The following STK31 variants were observed in gnomAD, a reference collection of about 807,000 sequenced individuals.
STK31 encodes the protein serine/threonine kinase 31, also known as serine/threonine-protein kinase 31.
Under a neutral mutation model 129.7 loss-of-function variants are expected in STK31, and 89 were observed. The observed-to-expected ratio is 0.69, with a 90% CI of 0.58 to 0.82. The LOEUF is 0.82. STK31 is among the 40% of genes least tolerant of loss of function. The pLI, the probability that STK31 is intolerant of heterozygous loss-of-function variation, is 0.00. For missense variants in STK31, 1,187 were observed against 1,176.4 expected, an observed-to-expected ratio of 1.01 and a Z score of -0.13; for synonymous variants, 448 against 395.3, an observed-to-expected ratio of 1.13 and a Z score of -1.58.
intron 5 of STK31, among the ~76,000 whole-genome samples, 174 bp from the exon 6 acceptor site, chr7:23,728,917 A>AT (rs943034922): frequency 6.6e-4 from 99 of 150,454 alleles, no homozygotes; most frequent in African/African-American, 1.8e-3. Context: ...TGGACTGTGG[A>AT]TTTTTTTTTT....
chr7:23,819,206 A>G (rs1562630793), intron 23 of STK31, among the ~76,000 whole-genome samples: 1 of 152,134 alleles, frequency 6.6e-6, no homozygotes, highest in Non-Finnish European at 1.5e-5. Context: ...GTTTGCACCT[A>G]GGGAAGGTAA....
At position 23,832,354 on chromosome 7, in the gene STK31, C is replaced by T; in HGVS notation, c.3048C>T (p.Asn1016=). The part of the protein sequence containing the change: ...CMEKTRNGEA[N]FDC ...AGAAGACAAGAAATGGTGAAGCCAACTTTGATTGTTAAATTATTATTGTTG... is the reference window on the plus strand; with the variant it reads ...AGAAGACAAGAAATGGTGAAGCCAATTTTGATTGTTAAATTATTATTGTTG... Residue 1016 remains asparagine (N), a synonymous_variant, in exon 24 of 24, where the codon AAC becomes AAT. Transcript: ENST00000355870. The T allele has an allele frequency of 6.2e-7, 1 of 1,607,540 alleles. No homozygotes were observed.
chr7:23,779,558 C>T (rs567090970), intron 15 of STK31, among the ~76,000 whole-genome samples: 15 of 152,260 alleles, frequency 9.9e-5, no homozygotes, highest in South Asian at 4.1e-4. Context: ...TCTAGAGAGG[C>T]GGTCTGGCTA....
intron 16 of STK31, 66 bp from the exon 17 acceptor site, chr7:23,783,517 A>T (rs1791064896): frequency 8.5e-7 from 1 of 1,180,082 alleles, no homozygotes; most frequent in Non-Finnish European, 1.2e-6. Flanking sequence ...ATTTTCCTGA[A>T]GAGCAACATG....
At chr7:23,714,727 GTTTAC>G (rs1487891412) in intron 3 of STK31, among the ~76,000 whole-genome samples, 2 of 151,938 alleles carry the variant, frequency 1.3e-5, no homozygotes, top group African/African-American at 2.4e-5. Flanking sequence ...TTTGATTTCA[GTTTAC>G]TTTATTTGTG....
At chr7:23,776,190 G>T (rs200030422) in intron 15 of STK31, among the ~76,000 whole-genome samples, 1 of 145,272 alleles carries the variant, frequency 6.9e-6, no homozygotes, top group Non-Finnish European at 1.5e-5. Context: ...ACTTGATTTT[G>T]GTGGATAAGC....
intron 4 of STK31, chr7:23,722,577 A>G (rs1395747732): frequency 2.0e-5 from 3 of 152,304 alleles, no homozygotes; most frequent in Admixed American, 6.5e-5. Flanking sequence ...TCAGATCTCA[A>G]AGTCTATGCT....
intron 22 of STK31, among the ~76,000 whole-genome samples, chr7:23,806,503 G>C (rs1357525957): frequency 6.6e-6 from 1 of 152,158 alleles, no homozygotes; most frequent in Admixed American, 6.5e-5. Flanking sequence ...AGGAACATGG[G>C]TAGCAGCCCC....
At chr7:23,715,134 G>A (rs565367047) in intron 3 of STK31, among the ~76,000 whole-genome samples, 4 of 152,262 alleles carry the variant, frequency 2.6e-5, no homozygotes, top group African/African-American at 9.6e-5. Context: ...TGGGATATAG[G>A]CATAGAGAAG....
chr7:23,722,500 G>A (rs535430006), intron 4 of STK31: 1 of 152,568 alleles, frequency 6.6e-6, no homozygotes, highest in African/African-American at 2.4e-5. Flanking sequence ...TGCCCCTACT[G>A]GGGGGTGCCT....
intron 17 of STK31, among the ~76,000 whole-genome samples, chr7:23,784,984 T>A (rs542207535): frequency 5.3e-5 from 8 of 152,314 alleles, no homozygotes; most frequent in Admixed American, 3.3e-4. Flanking sequence ...TTTTGTTTTT[T>A]TACAAATGTT....
In STK31 at chr7:23,832,300, A is replaced by G; in HGVS notation, c.2994A>G (p.Ile998Met). 6.2e-7 allele frequency: 1 copy of G among 1,613,998 alleles called. No homozygotes were observed. Among genetic ancestry groups the G allele is most frequent in the Non-Finnish European group, 8.5e-7 (1 of 1,180,004 alleles). The change falls in exon 24 of 24, where the codon ATA becomes ATG. Residue 998 changes from isoleucine (I) to methionine (M), a missense_variant. Physicochemically the swap from Ile to Met is conservative, Grantham distance 10. Transcript: ENST00000355870. ...EYTLYKKEEE[I>M]KTENLDKCME... ...CCCTATATAAAAAGGAAGAAGAAAT[A>G]AAGACGGAGAACTTGGATAAATGTA...
intron 8 of STK31, among the ~76,000 whole-genome samples, chr7:23,737,922 TC>T (rs1207475414): frequency 6.6e-6 from 1 of 151,842 alleles, no homozygotes; most frequent in Non-Finnish European, 1.5e-5. Flanking sequence ...AATCTGTTGT[TC>T]CTGCACTAGT....
intron 17 of STK31, among the ~76,000 whole-genome samples, chr7:23,784,330 G>A (rs991699693): frequency 7.2e-5 from 11 of 152,152 alleles, no homozygotes; most frequent in Non-Finnish European, 1.3e-4. Flanking sequence ...GGATATTTGT[G>A]TAGACATGTG....
intron 22 of STK31, among the ~76,000 whole-genome samples, chr7:23,810,618 A>AT (rs1240015416): frequency 7.3e-6 from 1 of 136,980 alleles, no homozygotes; most frequent in Non-Finnish European, 1.6e-5. Flanking sequence ...ATATATATAT[A>AT]ATATATATAA....
intron 10 of STK31, among the ~76,000 whole-genome samples, chr7:23,756,888 T>C (rs565844094): frequency 6.6e-6 from 1 of 152,226 alleles, no homozygotes; most frequent in South Asian, 2.1e-4. Context: ...GGGATTCGGT[T>C]TGTCAGTATT....
At chr7:23,737,161 T>C (rs1051597615) in intron 8 of STK31, 83 bp downstream of exon 8, 114 of 1,248,416 alleles carry the variant, frequency 9.1e-5, no homozygotes, top group Admixed American at 6.3e-5. Flanking sequence ...TCTGTCACTT[T>C]CCTTTCCTTC....
intron 22 of STK31, among the ~76,000 whole-genome samples, chr7:23,810,701 GAT>G (rs1351763517): frequency 0.096 from 6,937 of 72,614 alleles, 264 homozygotes; most frequent in East Asian, 0.18. Flanking sequence ...ATATAAAATA[GAT>G]ATATATAAAA....
intron 16 of STK31, among the ~76,000 whole-genome samples, chr7:23,783,032 A>C (rs1477379467): frequency 6.6e-6 from 1 of 152,192 alleles, no homozygotes; most frequent in Non-Finnish European, 1.5e-5. Context: ...GGAGCAATGA[A>C]CAATTCGCAA....
Sources: allele counts gnomAD v4.1 joint callset (sites outside exome capture counted in the v4.1 genomes callset), GRCh38; gene constraint gnomAD v4.1.1; transcripts MANE v1.5; gene names NCBI Gene and HGNC (gene_info 2026-07-23, HGNC 2026-07-21).